The following PHLPP1 variants were observed in gnomAD, a reference collection of about 807,000 sequenced individuals.
PHLPP1 encodes PH domain leucine-rich repeat-containing protein phosphatase 1.
Under a neutral mutation model 117.2 loss-of-function variants are expected in PHLPP1, and 42 were observed. The ratio of observed to expected loss-of-function variants is 0.36; its 90% CI spans 0.28 to 0.46. The LOEUF is 0.46. Ranked by LOEUF, PHLPP1 falls within the 20% of genes least tolerant of loss-of-function variation. The pLI is 1.00. For missense variants in PHLPP1, 2,084 were observed against 2,241.9 expected, an observed-to-expected ratio of 0.93 and a Z score of 1.42; for synonymous variants, 1,042 against 970.7, an observed-to-expected ratio of 1.07 and a Z score of -1.37.
chr18:62,901,349 G>A (rs1233527626), intron 6 of PHLPP1, among the ~76,000 whole-genome samples: 4 of 151,948 alleles, frequency 2.6e-5, no homozygotes, highest in African/African-American at 9.7e-5. Context: ...AGATTGCTGG[G>A]TCAAGGCCAG....
chr18:62,721,755 G>A (rs1467653269), intron 1 of PHLPP1, among the ~76,000 whole-genome samples: 2 of 152,088 alleles, frequency 1.3e-5, no homozygotes, highest in African/African-American at 4.8e-5. Flanking sequence ...AAAGTTTTAG[G>A]TTGAAAGTTT....
At chr18:62,846,662 A>G (rs1375894574) in intron 3 of PHLPP1, among the ~76,000 whole-genome samples, 3 of 152,206 alleles carry the variant, frequency 2.0e-5, no homozygotes, top group African/African-American at 4.8e-5. Flanking sequence ...TAACTTTCCA[A>G]TATAGTAATG....
intron 16 of PHLPP1, 58 bp downstream of exon 16, chr18:62,975,683 C>A: frequency 8.7e-7 from 1 of 1,154,588 alleles, no homozygotes; most frequent in South Asian, 1.3e-5. Flanking sequence ...GAGACCAGGT[C>A]ATAGCAGAAA....
intron 1 of PHLPP1, among the ~76,000 whole-genome samples, chr18:62,781,357 A>G (rs1311855650): frequency 1.3e-5 from 2 of 152,180 alleles, no homozygotes; most frequent in East Asian, 3.8e-4. Context: ...TTGCTCACCT[A>G]ACCTGCCTAC....
At chr18:62,898,881 C>G (rs1203370437) in intron 6 of PHLPP1, among the ~76,000 whole-genome samples, 1 of 149,702 alleles carries the variant, frequency 6.7e-6, no homozygotes, top group Non-Finnish European at 1.5e-5. Flanking sequence ...TCACTGCAAC[C>G]TCCGCTTCCC....
chr18:62,818,118 A>G (rs1376528891), intron 1 of PHLPP1, among the ~76,000 whole-genome samples: 2 of 152,068 alleles, frequency 1.3e-5, no homozygotes, highest in Non-Finnish European at 2.9e-5. Context: ...TGCTGGGATT[A>G]CAGGTGTGAG....
At chr18:62,936,338 T>G (rs1279788459) in intron 10 of PHLPP1, among the ~76,000 whole-genome samples, 2 of 152,162 alleles carry the variant, frequency 1.3e-5, no homozygotes, top group African/African-American at 4.8e-5. Context: ...GGAGAGCTCT[T>G]GTAGGATAAT....
chr18:62,860,402 A>T (rs754708273), intron 3 of PHLPP1, 33 bp from the exon 4 acceptor site: 11 of 1,580,034 alleles, frequency 7.0e-6, no homozygotes, highest in African/African-American at 1.3e-5. Flanking sequence ...GGATAAGTGG[A>T]TGGTATTAAA....
At chr18:62,956,047 A>G (rs983197359) in intron 12 of PHLPP1, among the ~76,000 whole-genome samples, 1 of 152,336 alleles carries the variant, frequency 6.6e-6, no homozygotes, top group South Asian at 2.1e-4. Flanking sequence ...AACAAAACAA[A>G]GCAAAAAAGA....
At chr18:62,727,718 G>A (rs181483653) in intron 1 of PHLPP1, among the ~76,000 whole-genome samples, 2 of 151,984 alleles carry the variant, frequency 1.3e-5, no homozygotes, top group East Asian at 3.9e-4. Context: ...ATGGAGTAAT[G>A]TAAGTTTAGG....
In PHLPP1 at chr18:62,978,511, C is replaced by G; in HGVS notation, c.4234C>G (p.His1412Asp). 1.9e-6 allele frequency: 3 copies of G among 1,609,718 alleles called. No individual in the cohort carries two copies. Among genetic ancestry groups the G allele is most frequent in the Non-Finnish European group, 1.7e-6 (2 of 1,177,986 alleles). The change falls in exon 17 of 17, where the codon CAC (histidine) becomes GAC (aspartate). Residue 1412 changes from histidine (H) to aspartate (D), a missense_variant. This residue lies in a region of PHLPP1 where 1,365 missense variants were observed against 1,605.9 expected (regional missense o/e 0.85). Coordinates refer to ENST00000262719, the MANE Select transcript of PHLPP1 (RefSeq NM_194449.4). The surrounding 1 kb of genome is among the most constrained non-coding windows in gnomAD (Gnocchi z 7.0). ...TACCCTGGCCCAGAGCTACGGCTGC[C>G]ACGACAGCATCAGCGCTGTGGTGGT... ...LCTLAQSYGCHDSISAVVVQL... is the reference protein window; with the variant it reads ...LCTLAQSYGCDDSISAVVVQL...
At chr18:62,840,246 A>G (rs773953674) in intron 3 of PHLPP1, among the ~76,000 whole-genome samples, 17 of 152,218 alleles carry the variant, frequency 1.1e-4, no homozygotes, top group Admixed American at 5.2e-4. Flanking sequence ...CATTTAGGAG[A>G]GTTGGTTTCT....
chr18:62,844,316 G>A lies in PHLPP1; in HGVS notation c.1899+5407G>A, dbSNP rs139459572. ...ATTGCGCCACTGCACTCCAGCCTGG[G>A]CGACAGAGCAAGATTTCATCTCAAA... is the stretch of plus-strand genomic sequence containing the variant. On this transcript the variant is annotated intron_variant, in intron 3 of 16. Transcript: ENST00000262719. Among the ~76,000 whole-genome samples, 850 of 152,230 alleles carry A rather than the reference G, an allele frequency of 5.6e-3. 13 individuals carry two copies. The highest frequency in any genetic ancestry group is 0.019 in the African/African-American group (808 of 41,540).
At chr18:62,780,587 A>C (rs927817189) in intron 1 of PHLPP1, among the ~76,000 whole-genome samples, 8 of 152,226 alleles carry the variant, frequency 5.3e-5, no homozygotes, top group African/African-American at 1.9e-4. Context: ...TTCAGTGCTC[A>C]TCAGAATCAC....
At chr18:62,729,023 G>A (rs1360951072) in intron 1 of PHLPP1, among the ~76,000 whole-genome samples, 2 of 152,080 alleles carry the variant, frequency 1.3e-5, no homozygotes, top group Non-Finnish European at 2.9e-5. Context: ...TGTTCTAATC[G>A]TACCCATGGT....
intron 1 of PHLPP1, among the ~76,000 whole-genome samples, chr18:62,738,032 C>G (rs996221355): frequency 1.3e-5 from 2 of 151,924 alleles, no homozygotes; most frequent in African/African-American, 4.8e-5. Context: ...GGGGGTAGTA[C>G]CTATACCTAT....
At chr18:62,821,490 A>G (rs1319191680) in intron 1 of PHLPP1, among the ~76,000 whole-genome samples, 1 of 143,620 alleles carries the variant, frequency 7.0e-6, no homozygotes, top group Non-Finnish European at 1.5e-5. Context: ...CAGAGGTTGC[A>G]GTGAGCCGAG....
intron 1 of PHLPP1, among the ~76,000 whole-genome samples, chr18:62,755,328 G>T (rs12968113): frequency 6.6e-6 from 1 of 152,064 alleles, no homozygotes; most frequent in Non-Finnish European, 1.5e-5. Context: ...ACCAATACCA[G>T]TTTTCTCAAT....
rs955359083 is a variant in PHLPP1, at chr18:62,866,297, T to G, written c.2066+5696T>G. Among the ~76,000 whole-genome samples, 5 of 150,784 alleles carry G rather than the reference T, an allele frequency of 3.3e-5. No individual in the cohort carries two copies. The East Asian group carries it at 9.7e-4, about 29-fold the overall frequency. Reference sequence around the variant, plus strand: ...GCCTCACTCTGTTGCCCAGCGGGAGTGCAATGGTGCGATCTTGACTTACTG... The same window carrying G: ...GCCTCACTCTGTTGCCCAGCGGGAGGGCAATGGTGCGATCTTGACTTACTG... On this transcript the variant is annotated intron_variant, in intron 4 of 16. Transcript: ENST00000262719.
Sources: gnomAD v4.1 joint callset for allele counts (sites outside exome capture counted in the v4.1 genomes callset) on GRCh38, gnomAD v4.1.1 for gene constraint, gnomAD v4.1.1 regional missense constraint, Gnocchi (gnomAD v3.1) non-coding constraint, MANE v1.5 for transcripts, NCBI Gene and HGNC (gene_info 2026-07-23, HGNC 2026-07-21) for gene names.